Variants in MAGED2 observed in about 807,000 individuals in gnomAD.
MAGED2 encodes the protein MAGE family member D2.
A neutral mutation model predicts 41.7 loss-of-function variants in MAGED2; 6 were observed. The ratio of observed to expected loss-of-function variants is 0.14; its 90% confidence interval spans 0.08 to 0.28. The LOEUF (loss-of-function observed/expected upper bound fraction) is 0.28. Ranked by LOEUF, MAGED2 falls within the 10% of genes least tolerant of loss-of-function variation. MAGED2 has a pLI of 1.00. For synonymous variants in MAGED2, 146 were observed against 178.2 expected (o/e 0.82, Z 1.44); for missense variants, 343 against 486.4 (o/e 0.71, Z 2.77).
chrX:54,815,352 C>T lies in MAGED2; in HGVS notation c.1491C>T (p.Ala497=), dbSNP rs778245642. Residue 497 remains alanine (A), a synonymous_variant, in exon 12 of 13, where the codon GCC becomes GCT. Transcript: ENST00000375068. ...AEAAAEAKAR[A]EIRARMGIGL... is the part of the protein sequence containing the mutation. ...CTGCAGCTGAAGCCAAGGCTAGGGCCGAGATTAGAGCTCGAATGGGCATTG... is the reference window on the plus strand; with the variant it reads ...CTGCAGCTGAAGCCAAGGCTAGGGCTGAGATTAGAGCTCGAATGGGCATTG... 3.3e-6 allele frequency: 4 copies of T among 1,207,807 alleles called. No homozygotes were observed. The highest frequency in any genetic ancestry group is 4.4e-5 in the Admixed American group (2 of 45,732).
intron 9 of MAGED2, 151 bp from the exon 10 acceptor site, chrX:54,813,337 C>T (rs1181314155): frequency 1.2e-6 from 1 of 851,166 alleles, no homozygotes; most frequent in African/African-American, 2.0e-5. Context: ...CTCTCTGCTC[C>T]CTCTCTCAGT....
At chrX:54,814,042 C>G (rs1050625107) in intron 10 of MAGED2, among the ~76,000 whole-genome samples, 1 of 112,237 alleles carries the variant, frequency 8.9e-6, no homozygotes, top group East Asian at 2.8e-4. Flanking sequence ...TCATAACTAC[C>G]CTGCAGCTGT....
In MAGED2 at chrX:54,809,918, C is replaced by T. The variant is rs749072773; in HGVS notation, c.242C>T (p.Thr81Ile). ...KTPEAREAPA[T>I]QASSTTQLTD... The stretch of plus-strand genomic sequence containing the variant: ...CCAGAGGCTCGGGAGGCACCTGCCA[C>T]CCAGGCCTCATCTACTACTCAGCTG... The change falls in exon 3 of 13, where the codon ACC becomes ATC. Residue 81 changes from threonine to isoleucine, a missense_variant. Thr to Ile is a moderately conservative substitution (Grantham distance 89). Coordinates refer to ENST00000375068, the MANE Select transcript of MAGED2 (RefSeq NM_177433.3). 6 of 1,198,777 alleles carry T rather than the reference C, an allele frequency of 5.0e-6. No homozygotes were observed. The highest frequency in any genetic ancestry group is 2.3e-6 in the Non-Finnish European group (2 of 888,705).
At chrX:54,812,629 G>C (rs1929842632) in intron 7 of MAGED2, among the ~76,000 whole-genome samples, 1 of 111,960 alleles carries the variant, frequency 8.9e-6, no homozygotes, top group African/African-American at 3.3e-5. Context: ...AGGAGTGTCA[G>C]TGGGGCTGAA....
chrX:54,813,444 G>C lies in MAGED2; in HGVS notation c.1209-44G>C, dbSNP rs772771712. 10 of 1,111,191 alleles carry C rather than the reference G, an allele frequency of 9.0e-6. No homozygotes were observed. The South Asian group carries it at 1.7e-4, about 18-fold the overall frequency. 91.6% of individuals were successfully genotyped at this position (1,111,191 alleles called of 1,213,427 possible). A position where few individuals can be genotyped will look rare whatever the true frequency, so the allele number is the denominator to read the frequency against. The stretch of plus-strand genomic sequence containing the variant: ...CACATCTGGGAAGTGCCATAGCCTT[G>C]AGTGAATTTATTTGTTTATTTATTT... On this transcript the variant is annotated intron_variant, in intron 9 of 12. Coordinates refer to ENST00000375068, the MANE Select transcript of MAGED2 (RefSeq NM_177433.3).
intron 6 of MAGED2, 30 bp from the exon 7 acceptor site, chrX:54,812,127 C>A: frequency 1.1e-6 from 1 of 930,788 alleles, no homozygotes; most frequent in South Asian, 2.0e-5. Context: ...TGAATTTTGT[C>A]ATCTCACAAG....
At chrX:54,810,522 G>A (rs920748142) in intron 3 of MAGED2, among the ~76,000 whole-genome samples, 4 of 112,049 alleles carry the variant, frequency 3.6e-5, no homozygotes, top group Non-Finnish European at 5.6e-5. Flanking sequence ...AGGAAGCTGA[G>A]TTCCAGAGAG....
intron 7 of MAGED2, among the ~76,000 whole-genome samples, chrX:54,812,743 A>G (rs1929846696): frequency 8.9e-6 from 1 of 112,487 alleles, no homozygotes; most frequent in Non-Finnish European, 1.9e-5. Context: ...AAGGGAAAAT[A>G]TGATTTTTTC....
At chrX:54,812,104 A>G (rs895273591) in intron 6 of MAGED2, 53 bp from the exon 7 acceptor site, 1 of 712,428 alleles carries the variant, frequency 1.4e-6, no homozygotes. Context: ...GAGCTGCAGC[A>G]TGCCCCGGAA....
chrX:54,814,688 T>C lies in MAGED2; in HGVS notation c.1299T>C (p.Asn433=). ...QKYLDYARVP[N]SNPPEYEFFW... ...ACCTGGACTATGCCAGAGTCCCCAA[T>C]AGCAATCCCCCTGAATATGAGTTCT... The change falls in exon 11 of 13, where the codon AAT becomes AAC. Residue 433 remains asparagine (N), a synonymous_variant. Coordinates refer to ENST00000375068, the MANE Select transcript of MAGED2 (RefSeq NM_177433.3). 8.3e-7 allele frequency: 1 copy of C among 1,208,967 alleles called. No homozygotes were observed. Among genetic ancestry groups the C allele is most frequent in the Non-Finnish European group, 1.1e-6 (1 of 892,831 alleles).
chrX:54,811,074 C>T lies in MAGED2; in HGVS notation c.791C>T (p.Ser264Leu). The stretch of plus-strand genomic sequence containing the variant: ...CGCCGTAGAGCTGCCAAGCTCCAGT[C>T]ATCCCAAGAGCCTGAAGCACCACCA... Reference protein sequence around the residue: ...KARRRAAKLQSSQEPEAPPPR... With the variant: ...KARRRAAKLQLSQEPEAPPPR... The change falls in exon 4 of 13, where the codon TCA becomes TTA. Residue 264 changes from serine to leucine, a missense_variant. Coordinates refer to ENST00000375068, the MANE Select transcript of MAGED2 (RefSeq NM_177433.3). 3.3e-6 allele frequency: 4 copies of T among 1,201,267 alleles called. No homozygotes were observed. Among genetic ancestry groups the T allele is most frequent in the Non-Finnish European group, 2.2e-6 (2 of 889,940 alleles).
chrX:54,808,655 C>G (rs1036813572), intron 1 of MAGED2, among the ~76,000 whole-genome samples: 9 of 107,359 alleles, frequency 8.4e-5, no homozygotes, highest in African/African-American at 3.1e-4. Context: ...CAAGATGCGC[C>G]TGTTTGGAGG....
intron 11 of MAGED2, 57 bp from the exon 12 acceptor site, chrX:54,815,191 T>C: frequency 9.0e-7 from 1 of 1,114,122 alleles, no homozygotes; most frequent in Non-Finnish European, 1.2e-6. Flanking sequence ...AGTAATACTG[T>C]ATTATTACTA....
intron 10 of MAGED2, among the ~76,000 whole-genome samples, chrX:54,814,093 G>T (rs1929888056): frequency 8.9e-6 from 1 of 112,264 alleles, no homozygotes; most frequent in Non-Finnish European, 1.9e-5. Flanking sequence ...CTGGGGCTCC[G>T]AGAAGGGAGA....
intron 1 of MAGED2, among the ~76,000 whole-genome samples, chrX:54,808,781 C>T (rs1929697701): frequency 9.1e-6 from 1 of 110,051 alleles, no homozygotes; most frequent in Non-Finnish European, 1.9e-5. Context: ...GCTTGTTGGG[C>T]AGGGGGCGGG....
In MAGED2 at chrX:54,811,291, G is replaced by A. The variant is rs1326391983; in HGVS notation, c.888G>A (p.Thr296=). ...LVKYLLAKDQ[T]KIPIKRSDML... ...AGTACCTTTTGGCTAAAGACCAGAC[G>A]AAGATTCCCATCAAGCGCTCGGGTA... Residue 296 remains threonine, a synonymous_variant, in exon 5 of 13, where the codon ACG becomes ACA. Transcript: ENST00000375068. 1.7e-6 allele frequency: 2 copies of A among 1,211,491 alleles called. No individual in the cohort carries two copies. Among genetic ancestry groups the A allele is most frequent in the South Asian group, 1.8e-5 (1 of 57,002 alleles).
Position 54,812,213 on chromosome X carries a change from C to G in MAGED2, c.1047C>G (p.Leu349=). Reference sequence around the variant, plus strand: ...AGAATGACCACTTGTACATTCTTCTCAGCACCTTAGAGCCCACTGATGCAG... The same window carrying G: ...AGAATGACCACTTGTACATTCTTCTGAGCACCTTAGAGCCCACTGATGCAG... ...IDKNDHLYIL[L]STLEPTDAGI... The change falls in exon 7 of 13, where the codon CTC becomes CTG. Residue 349 remains leucine (L), a synonymous_variant. Transcript: ENST00000375068. 2 of 1,203,832 alleles carry G rather than the reference C, an allele frequency of 1.7e-6. No homozygotes were observed. Among genetic ancestry groups the G allele is most frequent in the East Asian group, 3.0e-5 (1 of 33,645 alleles).
At position 54,815,460 on chromosome X, in the gene MAGED2, G is replaced by A. The variant is rs139801905; in HGVS notation, c.1599G>A (p.Ala533=). ...CCTGGGCCAAAGCCCGGATCCAGGC[G>A]GGAGCAGAAGCTAAAGCCAAAGCCC... ...IGPWAKARIQ[A]GAEAKAKAQE... The change falls in exon 12 of 13, where the codon GCG becomes GCA. Residue 533 remains alanine, a synonymous_variant. Coordinates refer to ENST00000375068, the MANE Select transcript of MAGED2 (RefSeq NM_177433.3). The A allele has an allele frequency of 3.9e-5, 47 of 1,201,999 alleles. No homozygotes were observed. The highest frequency in any genetic ancestry group is 1.6e-4 in the African/African-American group (9 of 57,367).
intron 3 of MAGED2, 41 bp from the exon 4 acceptor site, chrX:54,810,780 G>C (rs753844996): frequency 4.5e-6 from 5 of 1,105,589 alleles, no homozygotes; most frequent in Admixed American, 6.0e-5. Flanking sequence ...AGGACCACTT[G>C]CTTCATCTGG....
Sources: gnomAD v4.1 joint callset for allele counts (sites outside exome capture counted in the v4.1 genomes callset) on GRCh38, gnomAD v4.1.1 for gene constraint, MANE v1.5 for transcripts, NCBI Gene and HGNC (gene_info 2026-07-23, HGNC 2026-07-21) for gene names.